The following LRMDA variants were observed in gnomAD, a reference collection of about 807,000 sequenced individuals.
The protein encoded by LRMDA is leucine rich melanocyte differentiation associated.
Under a neutral mutation model 29.8 loss-of-function variants are expected in LRMDA, and 18 were observed. The observed-to-expected ratio is 0.60, with a 90% CI of 0.42 to 0.90. LRMDA has a LOEUF of 0.90. Among genes scored for constraint, LRMDA ranks in the 40% least tolerant of loss-of-function variants. The pLI is 0.00. For synonymous variants in LRMDA, 125 were observed against 109.4 expected, an observed-to-expected ratio of 1.14 and a Z score of -0.89; for missense variants, 273 against 273.9, an observed-to-expected ratio of 1.00 and a Z score of 0.02.
chr10:75,714,058 A>G (rs968125244), intron 2 of LRMDA, among the ~76,000 whole-genome samples: 13 of 152,110 alleles, frequency 8.5e-5, no homozygotes, highest in African/African-American at 3.1e-4. Context: ...TTGTTATCTG[A>G]GGTAGGAACA....
intron 6 of LRMDA, among the ~76,000 whole-genome samples, chr10:76,347,280 C>T (rs530601500): frequency 2.2e-4 from 33 of 152,284 alleles, no homozygotes; most frequent in African/African-American, 7.2e-4. Flanking sequence ...TGCTTAAATA[C>T]ATGATGCAGC....
At chr10:75,928,734 A>T (rs1846160691) in intron 2 of LRMDA, among the ~76,000 whole-genome samples, 2 of 152,140 alleles carry the variant, frequency 1.3e-5, no homozygotes, top group African/African-American at 4.8e-5. Flanking sequence ...TCCTGACACA[A>T]ACCACTCATG....
At chr10:76,158,347 T>C (rs1850580880) in intron 5 of LRMDA, among the ~76,000 whole-genome samples, 1 of 152,146 alleles carries the variant, frequency 6.6e-6, no homozygotes, top group African/African-American at 2.4e-5. Flanking sequence ...TTGACCTCTC[T>C]CTTCTTACGT....
At chr10:76,395,767 A>C (rs1428839820) in intron 6 of LRMDA, among the ~76,000 whole-genome samples, 2 of 152,234 alleles carry the variant, frequency 1.3e-5, no homozygotes, top group African/African-American at 2.4e-5. Flanking sequence ...GTAGTCAATA[A>C]TTATTTATCA....
chr10:76,042,161 A>G lies in LRMDA; in HGVS notation c.259-5003A>G, dbSNP rs545873912. Among the ~76,000 whole-genome samples the G allele has an allele frequency of 3.3e-5, 5 of 152,326 alleles. No homozygotes were observed. The South Asian group carries it at 6.2e-4, about 19-fold the overall frequency. On this transcript the variant is annotated intron_variant, in intron 3 of 6. Coordinates refer to ENST00000611255, the MANE Select transcript of LRMDA (RefSeq NM_001305581.2). ...TCATGTTTTATCCTCTGGTGGTGCT[A>G]TCAGCATAAAGGCGAAGGACTGGTC... is the stretch of plus-strand genomic sequence containing the variant.
chr10:76,534,247 T>A (rs995081598), intron 6 of LRMDA, among the ~76,000 whole-genome samples: 4 of 152,248 alleles, frequency 2.6e-5, no homozygotes, highest in African/African-American at 9.6e-5. Context: ...TTTCTCCTGC[T>A]TTTGGGGTAC....
At chr10:76,505,752 G>A (rs984846124) in intron 6 of LRMDA, among the ~76,000 whole-genome samples, 2 of 152,198 alleles carry the variant, frequency 1.3e-5, no homozygotes, top group East Asian at 1.9e-4. Context: ...TGAATTCTAT[G>A]TGTGTCATTT....
chr10:76,167,385 T>C (rs1477978012), intron 5 of LRMDA, among the ~76,000 whole-genome samples: 2 of 152,058 alleles, frequency 1.3e-5, no homozygotes. Context: ...TCTTTGCCTG[T>C]TCCTATGTGC....
intron 2 of LRMDA, among the ~76,000 whole-genome samples, chr10:75,562,504 T>C (rs1249650718): frequency 6.6e-6 from 1 of 152,148 alleles, no homozygotes; most frequent in Non-Finnish European, 1.5e-5. Context: ...CTGTGTCTTT[T>C]AATTGGAGCA....
chr10:75,551,962 G>C (rs1840155819), intron 2 of LRMDA, among the ~76,000 whole-genome samples: 1 of 152,034 alleles, frequency 6.6e-6, no homozygotes, highest in African/African-American at 2.4e-5. Flanking sequence ...AGGATTGCCT[G>C]AGCCCAGGAG....
intron 2 of LRMDA, among the ~76,000 whole-genome samples, chr10:75,823,753 TACATACACACACACAC>T (rs1367518525): frequency 6.0e-5 from 9 of 149,278 alleles, no homozygotes; most frequent in South Asian, 2.1e-4. Context: ...TATACCTACT[TACATACACACACACAC>T]ACATACACAC....
At chr10:76,133,083 A>G (rs1430788402) in intron 5 of LRMDA, among the ~76,000 whole-genome samples, 2 of 149,350 alleles carry the variant, frequency 1.3e-5, no homozygotes, top group Non-Finnish European at 3.0e-5. Context: ...AGCCTCCCAA[A>G]GTGCTGGGAT....
At chr10:75,722,329 T>G (rs1451563900) in intron 2 of LRMDA, among the ~76,000 whole-genome samples, 1 of 152,128 alleles carries the variant, frequency 6.6e-6, no homozygotes, top group Non-Finnish European at 1.5e-5. Context: ...TGTCCAAACA[T>G]TTTGCAGCTT....
chr10:76,055,620 G>A (rs1397045437), intron 4 of LRMDA, among the ~76,000 whole-genome samples: 1 of 152,238 alleles, frequency 6.6e-6, no homozygotes, highest in East Asian at 1.9e-4. Flanking sequence ...TGAGCCAGGT[G>A]TGGAGTGGTA....
intron 5 of LRMDA, among the ~76,000 whole-genome samples, chr10:76,126,990 T>C (rs1244216877): frequency 6.6e-6 from 1 of 152,202 alleles, no homozygotes; most frequent in Non-Finnish European, 1.5e-5. Context: ...GGGGAGCAGA[T>C]TTTGACTTTT....
chr10:76,389,707 A>G (rs902898888), intron 6 of LRMDA, among the ~76,000 whole-genome samples: 1 of 151,100 alleles, frequency 6.6e-6, no homozygotes, highest in African/African-American at 2.5e-5. Context: ...AGTACCTCAT[A>G]TAAATGAAAT....
intron 5 of LRMDA, among the ~76,000 whole-genome samples, chr10:76,176,012 C>A (rs1022413000): frequency 6.6e-6 from 1 of 152,236 alleles, no homozygotes; most frequent in Non-Finnish European, 1.5e-5. Flanking sequence ...TGAGCCGGGC[C>A]TGGAGAGGCC....
At chr10:76,438,973 T>A (rs1291875431) in intron 6 of LRMDA, among the ~76,000 whole-genome samples, 2 of 152,212 alleles carry the variant, frequency 1.3e-5, no homozygotes, top group Non-Finnish European at 1.5e-5. Flanking sequence ...TACACTGTGT[T>A]GTCAAAATTG....
In LRMDA at chr10:76,497,485, G is replaced by A. The variant is rs187724383; in HGVS notation, c.602-59724G>A. ...ACAATTCAACACCCCCTCTTCTTCA[G>A]GTAATGTCTGCCACCATGCCCACCA... On this transcript the variant is annotated intron_variant, in intron 6 of 6. Transcript: ENST00000611255. 9.4e-5 allele frequency among the ~76,000 whole-genome samples: 7 copies of A among 74,800 alleles called. 3 individuals carry two copies. Among genetic ancestry groups the A allele is most frequent in the Admixed American group, 8.8e-4 (7 of 7,992 alleles). The allele number at this position is 74,800 out of a possible 152,430, so 49.1% of individuals were successfully genotyped here. A position where few individuals can be genotyped will look rare whatever the true frequency, so the allele number is the denominator to read the frequency against.
Sources: allele counts gnomAD v4.1 joint callset (sites outside exome capture counted in the v4.1 genomes callset), GRCh38; gene constraint gnomAD v4.1.1; transcripts MANE v1.5; gene names NCBI Gene and HGNC (gene_info 2026-07-23, HGNC 2026-07-21).